The following PTPRN2 variants were observed in gnomAD, a reference collection of about 807,000 sequenced individuals.
PTPRN2 encodes the protein protein tyrosine phosphatase receptor type N2.
Under a neutral mutation model 118.8 loss-of-function variants are expected in PTPRN2, and 74 were observed. The ratio of observed to expected loss-of-function variants is 0.62; its 90% confidence interval spans 0.52 to 0.76. PTPRN2 has a LOEUF of 0.76. Among genes scored for constraint, PTPRN2 ranks in the 30% least tolerant of loss-of-function variants. The pLI is 0.00. For missense variants in PTPRN2, 1,481 were observed against 1,394.4 expected, an observed-to-expected ratio of 1.06 and a Z score of -0.99; for synonymous variants, 641 against 608.0, an observed-to-expected ratio of 1.05 and a Z score of -0.80.
intron 1 of PTPRN2, among the ~76,000 whole-genome samples, chr7:158,562,010 C>G (rs962337845): frequency 1.3e-5 from 2 of 152,208 alleles, no homozygotes; most frequent in Non-Finnish European, 2.9e-5. Context: ...CGAAGAGATT[C>G]ACAAAGGGGC....
chr7:158,246,536 C>T (rs527442771), intron 3 of PTPRN2, among the ~76,000 whole-genome samples: 1 of 150,900 alleles, frequency 6.6e-6, no homozygotes, highest in Non-Finnish European at 1.5e-5. Flanking sequence ...CACAAGTCAC[C>T]GTGGGTGGTC....
chr7:157,820,318 TCACA>T (rs1190123395), intron 12 of PTPRN2, among the ~76,000 whole-genome samples: 1 of 133,404 alleles, frequency 7.5e-6, no homozygotes, highest in African/African-American at 2.9e-5. Context: ...CCACACACGT[TCACA>T]CACACAACAC....
At chr7:158,386,025 C>G (rs575199951) in intron 2 of PTPRN2, among the ~76,000 whole-genome samples, 8 of 122,850 alleles carry the variant, frequency 6.5e-5, no homozygotes, top group African/African-American at 2.3e-4. Flanking sequence ...AGTCCCTCCT[C>G]CCGTGCCCCG....
rs551361460 is a variant in PTPRN2, at chr7:158,266,492, C to T, written c.277+50327G>A. On this transcript the variant is annotated intron_variant, in intron 3 of 22. Coordinates refer to ENST00000389418, the MANE Select transcript of PTPRN2 (RefSeq NM_002847.5). ...GTGAAGCTGGGGACGGTGTCCGCTG[C>T]AGTGTGATGTCTGGCAGTGAGGCTG... 1.8e-3 allele frequency among the ~76,000 whole-genome samples: 275 copies of T among 151,388 alleles called. 1 individual carries two copies. The highest frequency in any genetic ancestry group is 6.3e-3 in the African/African-American group (258 of 41,102).
chr7:157,742,489 T>G (rs1290276374), intron 12 of PTPRN2, among the ~76,000 whole-genome samples: 4 of 152,164 alleles, frequency 2.6e-5, no homozygotes, highest in African/African-American at 7.2e-5. Flanking sequence ...CTTCTGTTTT[T>G]TTTTTTTTTT....
At chr7:158,071,772 G>T (rs1233755841) in intron 11 of PTPRN2, among the ~76,000 whole-genome samples, 19 of 137,942 alleles carry the variant, frequency 1.4e-4, no homozygotes, top group African/African-American at 5.3e-4. Context: ...CGTGGTGATG[G>T]AGGTGCTTGT....
At chr7:157,639,529 G>C (rs950891593) in intron 14 of PTPRN2, among the ~76,000 whole-genome samples, 1 of 152,242 alleles carries the variant, frequency 6.6e-6, no homozygotes, top group Admixed American at 6.5e-5. Context: ...CTGGACAAAT[G>C]GCACAGTCAG....
At chr7:158,081,466 T>C in intron 10 of PTPRN2, 89 bp from the exon 11 acceptor site, 1 of 1,324,416 alleles carries the variant, frequency 7.6e-7, no homozygotes, top group Non-Finnish European at 1.1e-6. Context: ...CTGGTGTGTT[T>C]TTAAAAACGC....
At chr7:158,184,533 C>T (rs1307298890) in intron 5 of PTPRN2, among the ~76,000 whole-genome samples, 1 of 152,204 alleles carries the variant, frequency 6.6e-6, no homozygotes, top group Non-Finnish European at 1.5e-5. Flanking sequence ...CTGAATGCCT[C>T]TCATTTCTTC....
At chr7:157,699,507 C>T (rs1797965159) in intron 12 of PTPRN2, among the ~76,000 whole-genome samples, 1 of 152,148 alleles carries the variant, frequency 6.6e-6, no homozygotes, top group South Asian at 2.1e-4. Context: ...GATCCTGGCT[C>T]ACTGCCAACC....
At chr7:157,698,478 G>T (rs1009874048) in intron 12 of PTPRN2, among the ~76,000 whole-genome samples, 3 of 152,204 alleles carry the variant, frequency 2.0e-5, no homozygotes, top group Non-Finnish European at 2.9e-5. Context: ...CCAAGTATGT[G>T]TTTCAGCAAA....
Position 157,671,435 on chromosome 7 carries a change from G to C in PTPRN2, c.2001+11290C>G, listed in dbSNP as rs908393138. ...AGGGCCCTGGTGTTCGGGATGGGAC[G>C]GGCCACCCCGGGCTGAGATGGAAGC... On this transcript the variant is annotated intron_variant, in intron 13 of 22. Transcript: ENST00000389418. The surrounding 1 kb of genome is among the most constrained non-coding windows in gnomAD (Gnocchi z 4.1). Among the ~76,000 whole-genome samples the C allele has an allele frequency of 6.6e-6, 1 of 152,176 alleles. No individual in the cohort carries two copies. The highest frequency in any genetic ancestry group is 1.5e-5 in the Non-Finnish European group (1 of 68,014).
intron 2 of PTPRN2, among the ~76,000 whole-genome samples, chr7:158,382,295 G>A (rs955308407): frequency 6.6e-6 from 1 of 152,106 alleles, no homozygotes; most frequent in Non-Finnish European, 1.5e-5. Flanking sequence ...TCACCACCCT[G>A]GGCTGAAGAC....
intron 11 of PTPRN2, among the ~76,000 whole-genome samples, chr7:158,079,520 T>A (rs139149443): frequency 6.6e-6 from 1 of 152,210 alleles, no homozygotes; most frequent in Non-Finnish European, 1.5e-5. Context: ...TTATGATTTT[T>A]AAAAATATAA....
At chr7:158,010,271 C>T (rs993003493) in intron 11 of PTPRN2, among the ~76,000 whole-genome samples, 2 of 152,184 alleles carry the variant, frequency 1.3e-5, no homozygotes, top group African/African-American at 4.8e-5. Flanking sequence ...TCTGCTCACC[C>T]ATCCACCAGC....
chr7:158,467,524 C>T (rs1205331354), intron 2 of PTPRN2, among the ~76,000 whole-genome samples: 1 of 152,052 alleles, frequency 6.6e-6, no homozygotes, highest in Non-Finnish European at 1.5e-5. Context: ...AACTTCTTGC[C>T]GAGACCAATG....
intron 1 of PTPRN2, among the ~76,000 whole-genome samples, chr7:158,528,912 C>T (rs1825000180): frequency 6.6e-6 from 1 of 152,130 alleles, no homozygotes; most frequent in South Asian, 2.1e-4. Context: ...CACAACATTT[C>T]CTACACAGCC....
At chr7:158,055,720 C>T (rs1809732493) in intron 11 of PTPRN2, among the ~76,000 whole-genome samples, 1 of 152,208 alleles carries the variant, frequency 6.6e-6, no homozygotes, top group African/African-American at 2.4e-5. Flanking sequence ...GGACACGTAA[C>T]CCATGTGACC....
chr7:158,367,172 G>A (rs781124607), intron 2 of PTPRN2, among the ~76,000 whole-genome samples: 2 of 152,198 alleles, frequency 1.3e-5, no homozygotes, highest in Non-Finnish European at 1.5e-5. Flanking sequence ...CCCAGTGCTC[G>A]GAAGCATCTG....
Sources: gnomAD v4.1 joint callset for allele counts (sites outside exome capture counted in the v4.1 genomes callset) on GRCh38, gnomAD v4.1.1 for gene constraint, Gnocchi (gnomAD v3.1) non-coding constraint, MANE v1.5 for transcripts, NCBI Gene and HGNC (gene_info 2026-07-23, HGNC 2026-07-21) for gene names.